SF3B1: variants seen among roughly 807,000 people sequenced by gnomAD.
SF3B1 encodes splicing factor 3b subunit 1.
A neutral mutation model predicts 153.8 loss-of-function variants in SF3B1; 12 were observed. That is an observed-to-expected ratio of 0.08 (90% CI 0.05 to 0.13). The LOEUF (loss-of-function observed/expected upper bound fraction) is 0.13, where lower values mean the gene tolerates loss of function less well. Ranked by LOEUF, SF3B1 falls within the 10% of genes least tolerant of loss-of-function variation. The pLI is 1.00. For missense variants in SF3B1, 513 were observed against 1,606.1 expected (o/e 0.32, Z 11.63); for synonymous variants, 498 against 525.2 (o/e 0.95, Z 0.71).
intron 1 of SF3B1, among the ~76,000 whole-genome samples, chr2:197,429,996 G>T (rs1481360605): frequency 6.6e-6 from 1 of 152,026 alleles, no homozygotes; most frequent in Non-Finnish European, 1.5e-5. Flanking sequence ...CGAAACCACA[G>T]GACAAAGGTT....
At chr2:197,427,943 A>T (rs1413928050) in intron 1 of SF3B1, among the ~76,000 whole-genome samples, 1 of 151,972 alleles carries the variant, frequency 6.6e-6, no homozygotes, top group Non-Finnish European at 1.5e-5. Context: ...GCTTGAACCC[A>T]AGAGGCAGAG....
intron 11 of SF3B1, 25 bp downstream of exon 11, chr2:197,405,051 G>T: frequency 1.4e-6 from 2 of 1,438,926 alleles, no homozygotes; most frequent in South Asian, 2.5e-5. Context: ...CAACAAACAT[G>T]ACAATTTAAC....
chr2:197,391,394 CAT>C lies in SF3B1; in HGVS notation c.*907_*908del, dbSNP rs1301799542. 1 of 152,234 alleles carries C rather than the reference CAT, an allele frequency of 6.6e-6. No individual in the cohort carries two copies. The highest frequency in any genetic ancestry group is 2.4e-5 in the African/African-American group (1 of 41,456). The allele number at this position is 152,234 out of a possible 1,614,324, so 9.4% of individuals were successfully genotyped here. Reference sequence around the variant, plus strand: ...AGAGGGCAGGTCTCATGCACCTTTGCATCCCCTGCATATAAGCACAGTGGCTG... The same window carrying C: ...AGAGGGCAGGTCTCATGCACCTTTGCCCCCTGCATATAAGCACAGTGGCTG... On this transcript the variant is annotated 3_prime_UTR_variant, in exon 25 of 25. Transcript: ENST00000335508.
At chr2:197,431,563 A>T (rs192308627) in intron 1 of SF3B1, among the ~76,000 whole-genome samples, 3 of 152,312 alleles carry the variant, frequency 2.0e-5, no homozygotes, top group Middle Eastern at 3.4e-3. Flanking sequence ...TACTGCCCTC[A>T]GATGTTAATG....
At position 197,400,649 on chromosome 2, in the gene SF3B1, G is replaced by T. The variant is rs1368026621; in HGVS notation, c.2718+66C>A. The T allele has an allele frequency of 1.5e-6, 2 of 1,298,240 alleles. No individual in the cohort carries two copies. Among genetic ancestry groups the T allele is most frequent in the South Asian group, 1.4e-5 (1 of 73,582 alleles). 80.4% of individuals were successfully genotyped at this position (1,298,240 alleles called of 1,614,324 possible). On this transcript the variant is annotated intron_variant, in intron 18 of 24. Transcript: ENST00000335508. The surrounding 1 kb of genome is among the most constrained non-coding windows in gnomAD (Gnocchi z 5.0). ...AATTGCATTCTAGAAAAATTTGCTT[G>T]ACAACTAATATGCTTTTCTACAAAT...
At chr2:197,414,117 T>C (rs952238450) in intron 6 of SF3B1, among the ~76,000 whole-genome samples, 1 of 152,140 alleles carries the variant, frequency 6.6e-6, no homozygotes, top group African/African-American at 2.4e-5. Context: ...CCTTAATGTT[T>C]TGCTTGAGCC....
intron 6 of SF3B1, among the ~76,000 whole-genome samples, chr2:197,415,359 T>A (rs1401477511): frequency 6.6e-6 from 1 of 151,952 alleles, no homozygotes; most frequent in African/African-American, 2.4e-5. Context: ...TTCAAGTGAT[T>A]CTCCTGTCTC....
At position 197,393,074 on chromosome 2, in the gene SF3B1, A is replaced by G; in HGVS notation, c.3654T>C (p.Asn1218=). 6.2e-7 allele frequency: 1 copy of G among 1,612,292 alleles called. No homozygotes were observed. The highest frequency in any genetic ancestry group is 8.5e-7 in the Non-Finnish European group (1 of 1,178,290). The part of the protein sequence containing the change: ...LNHLLNYVWP[N]VFETSPHVIQ... ...TTACATGAGGAGATGTCTCAAATAC[A>G]TTGGGCCATACATAGTTCAACAAGT... The change falls in exon 24 of 25, where the codon AAT becomes AAC. Residue 1218 remains asparagine (N), a synonymous_variant. Transcript: ENST00000335508.
At chr2:197,422,617 G>A (rs1228285155) in intron 2 of SF3B1, among the ~76,000 whole-genome samples, 10 of 152,068 alleles carry the variant, frequency 6.6e-5, no homozygotes, top group East Asian at 1.9e-4. Context: ...ATAACCAGGC[G>A]CGGTGGCTCA....
Position 197,393,050 on chromosome 2 carries a change from T to C in SF3B1, c.3678A>G (p.Val1226=). The C allele has an allele frequency of 6.2e-7, 1 of 1,613,446 alleles. No homozygotes were observed. The highest frequency in any genetic ancestry group is 8.5e-7 in the Non-Finnish European group (1 of 1,179,372). Reference sequence around the variant, plus strand: ...CTAGGGCTCCCATAACTGCCTGAATTACATGAGGAGATGTCTCAAATACAT... The same window carrying C: ...CTAGGGCTCCCATAACTGCCTGAATCACATGAGGAGATGTCTCAAATACAT... The part of the protein sequence containing the change: ...WPNVFETSPH[V]IQAVMGALEG... Residue 1226 remains valine, a synonymous_variant, in exon 24 of 25, where the codon GTA becomes GTG. Transcript: ENST00000335508.
rs2084932118 is a variant in SF3B1 at position 197,401,001 on chromosome 2, T to C, written c.2497-65A>G. On this transcript the variant is annotated intron_variant, in intron 17 of 24. Coordinates refer to ENST00000335508, the MANE Select transcript of SF3B1 (RefSeq NM_012433.4). The surrounding 1 kb of genome is among the most constrained non-coding windows in gnomAD (Gnocchi z 4.2). ...TTTCCAAGGAAATAAAGCAACATCA[T>C]GAAAACCAAATACTCTAAATATACT... is the stretch of plus-strand genomic sequence containing the variant. The C allele has an allele frequency of 2.0e-6, 2 of 977,094 alleles. No homozygotes were observed. The highest frequency in any genetic ancestry group is 2.9e-5 in the South Asian group (2 of 68,114). 60.5% of individuals were successfully genotyped at this position (977,094 alleles called of 1,614,324 possible). A position where few individuals can be genotyped will look rare whatever the true frequency, so the allele number is the denominator to read the frequency against.
At position 197,428,619 on chromosome 2, in the gene SF3B1, C is replaced by A. The variant is rs531940321; in HGVS notation, c.29-4645G>T. Among the ~76,000 whole-genome samples, 144 of 152,300 alleles carry A rather than the reference C, an allele frequency of 9.5e-4. 1 individual carries two copies. In the Middle Eastern group the frequency reaches 0.014, roughly 14 times the overall value. On this transcript the variant is annotated intron_variant, in intron 1 of 24. Coordinates refer to ENST00000335508, the MANE Select transcript of SF3B1 (RefSeq NM_012433.4). Reference sequence around the variant, plus strand: ...TAAAACTGCTTGGCAACTGGCTGAGCGCGGTGGCTCACGCCTGTAATCCCA... The same window carrying A: ...TAAAACTGCTTGGCAACTGGCTGAGAGCGGTGGCTCACGCCTGTAATCCCA...
chr2:197,395,414 G>A (rs2084865404), intron 23 of SF3B1, among the ~76,000 whole-genome samples: 1 of 152,210 alleles, frequency 6.6e-6, no homozygotes, highest in African/African-American at 2.4e-5. Flanking sequence ...TCTGATTTGA[G>A]TAACTTATCT....
At chr2:197,428,439 T>C (rs2085369382) in intron 1 of SF3B1, among the ~76,000 whole-genome samples, 1 of 152,226 alleles carries the variant, frequency 6.6e-6, no homozygotes. Flanking sequence ...CTTCAAATTT[T>C]TTATCTCTGG....
chr2:197,417,532 G>A (rs148864060), intron 5 of SF3B1, among the ~76,000 whole-genome samples: 141 of 143,868 alleles, frequency 9.8e-4, no homozygotes, highest in African/African-American at 3.4e-3. Flanking sequence ...GAGGTCAGGA[G>A]TTCGAGACCA....
Position 197,391,662 on chromosome 2 carries a change from T to C in SF3B1, c.*641A>G, listed in dbSNP as rs2084811011. 1 of 152,204 alleles carries C rather than the reference T, an allele frequency of 6.6e-6. No individual in the cohort carries two copies. The allele number at this position is 152,204 out of a possible 1,614,324, so 9.4% of individuals were successfully genotyped here. ...TGTGTTCATAAAGCATTTTGAGAAA[T>C]CAAGAGATGAAAGGCGCTATGTAAG... On this transcript the variant is annotated 3_prime_UTR_variant, in exon 25 of 25. Coordinates refer to ENST00000335508, the MANE Select transcript of SF3B1 (RefSeq NM_012433.4).
intron 4 of SF3B1, chr2:197,419,795 A>G: frequency 4.4e-6 from 1 of 225,022 alleles, no homozygotes; most frequent in East Asian, 6.5e-5. Context: ...GCAGAATCTA[A>G]TTTTAAGAAA....
chr2:197,402,896 T>C lies in SF3B1; in HGVS notation c.1806+53A>G. The C allele has an allele frequency of 3.1e-6, 5 of 1,608,574 alleles. No homozygotes were observed. The highest frequency in any genetic ancestry group is 4.3e-6 in the Non-Finnish European group (5 of 1,176,208). On this transcript the variant is annotated intron_variant, in intron 13 of 24. Coordinates refer to ENST00000335508, the MANE Select transcript of SF3B1 (RefSeq NM_012433.4). This position sits in a 1 kb window ranked among gnomAD's most constrained non-coding sequence, Gnocchi z 4.6. ...AATCTTCAACCATTTCTTTCCATAA[T>C]CAATTCCATAAACAGATATAAATTT... is the stretch of plus-strand genomic sequence containing the variant.
rs761370097 is a variant in SF3B1, at chr2:197,418,599, G to C, written c.416-11C>G. The C allele has an allele frequency of 6.8e-6, 11 of 1,606,850 alleles. No individual in the cohort carries two copies. The East Asian group carries it at 2.0e-4, about 29-fold the overall frequency. Reference sequence around the variant, plus strand: ...CAGGGGTTTTCCCTCCTGCAGAAAAGAACAGCAACAGGAAAAAGAGTACAA... The same window carrying C: ...CAGGGGTTTTCCCTCCTGCAGAAAACAACAGCAACAGGAAAAAGAGTACAA... On this transcript the variant is annotated splice_polypyrimidine_tract_variant and intron_variant, in intron 4 of 24. Transcript: ENST00000335508.
Sources: gnomAD v4.1 joint callset for allele counts (sites outside exome capture counted in the v4.1 genomes callset) on GRCh38, gnomAD v4.1.1 for gene constraint, Gnocchi (gnomAD v3.1) non-coding constraint, MANE v1.5 for transcripts, NCBI Gene and HGNC (gene_info 2026-07-23, HGNC 2026-07-21) for gene names.